The following LZTFL1 variants were observed in gnomAD, a reference collection of about 807,000 sequenced individuals.
The protein encoded by LZTFL1 is leucine zipper transcription factor-like protein 1.
Under a neutral mutation model 45.9 loss-of-function variants are expected in LZTFL1, and 25 were observed. The ratio of observed to expected loss-of-function variants is 0.54; its 90% CI spans 0.40 to 0.76. The LOEUF is 0.76. Ranked by LOEUF, LZTFL1 falls within the 30% of genes least tolerant of loss-of-function variation. The pLI, the probability that LZTFL1 is intolerant of heterozygous loss-of-function variation, is 0.00. For synonymous variants in LZTFL1, 93 were observed against 117.4 expected, an observed-to-expected ratio of 0.79 and a Z score of 1.35; for missense variants, 277 against 331.1, an observed-to-expected ratio of 0.84 and a Z score of 1.27.
intron 4 of LZTFL1, among the ~76,000 whole-genome samples, chr3:45,852,753 C>T (rs1016285162): frequency 2.0e-5 from 3 of 152,172 alleles, no homozygotes; most frequent in Non-Finnish European, 2.9e-5. Flanking sequence ...ACAGGCATTA[C>T]TTTTACAGTT....
intron 2 of LZTFL1, among the ~76,000 whole-genome samples, chr3:45,866,337 A>G (rs1701577528): frequency 6.6e-6 from 1 of 152,242 alleles, no homozygotes; most frequent in Non-Finnish European, 1.5e-5. Flanking sequence ...TGCTTAATAT[A>G]GAACATTTTG....
chr3:45,904,185 G>T (rs1702634535), intron 2 of LZTFL1, among the ~76,000 whole-genome samples: 1 of 152,170 alleles, frequency 6.6e-6, no homozygotes, highest in Non-Finnish European at 1.5e-5. Flanking sequence ...CTTGTGTGGG[G>T]TAGGAACAAT....
rs199573914 is a variant in LZTFL1, at chr3:45,901,757, A to G, written c.-215+11363T>C. The G allele has an allele frequency of 6.2e-7, 1 of 1,614,060 alleles. No individual in the cohort carries two copies. The highest frequency in any genetic ancestry group is 8.5e-7 in the Non-Finnish European group (1 of 1,180,010). The stretch of plus-strand genomic sequence containing the variant: ...TTCTCTATGTTTTTGTGGGTGAGAG[A>G]TTCCGCCGGGATCTCGTGAAAACCC... On this transcript the variant is annotated intron_variant, in intron 2 of 4. Coordinates refer to the LZTFL1 transcript ENST00000472635. This position sits in a 1 kb window ranked among gnomAD's most constrained non-coding sequence, Gnocchi z 4.3.
chr3:45,896,706 C>A lies in LZTFL1; in HGVS notation c.-215+16414G>T, dbSNP rs118007094. On this transcript the variant is annotated intron_variant, in intron 2 of 4. Coordinates refer to the LZTFL1 transcript ENST00000472635. Reference sequence around the variant, plus strand: ...TCAATGTTGGGATTTAATACTTTCTCAAGTGTGGGGCCAAGGTGTCTGCCA... The same window carrying A: ...TCAATGTTGGGATTTAATACTTTCTAAAGTGTGGGGCCAAGGTGTCTGCCA... Among the ~76,000 whole-genome samples the A allele has an allele frequency of 8.5e-5, 13 of 152,352 alleles. No individual in the cohort carries two copies. The East Asian group carries it at 2.5e-3, about 29-fold the overall frequency.
intron 2 of LZTFL1, among the ~76,000 whole-genome samples, chr3:45,872,438 A>G (rs1184631773): frequency 1.3e-5 from 2 of 152,194 alleles, no homozygotes; most frequent in African/African-American, 4.8e-5. Flanking sequence ...GAATGTGGCT[A>G]GTAAGCTGAA....
At chr3:45,855,781 G>A (rs749063173) in intron 3 of LZTFL1, among the ~76,000 whole-genome samples, 1 of 152,136 alleles carries the variant, frequency 6.6e-6, no homozygotes, top group African/African-American at 2.4e-5. Flanking sequence ...GCCAAATCAT[G>A]AATGAATTCC....
At chr3:45,894,970 C>T (rs1702307402) in intron 2 of LZTFL1, 1 of 1,612,784 alleles carries the variant, frequency 6.2e-7, no homozygotes, top group Non-Finnish European at 8.5e-7. Flanking sequence ...TACAGCCGTG[C>T]TCCTCTGGCT....
chr3:45,829,533 G>C (rs895299864), intron 7 of LZTFL1, among the ~76,000 whole-genome samples: 2 of 150,296 alleles, frequency 1.3e-5, no homozygotes, highest in Non-Finnish European at 3.0e-5. Flanking sequence ...GAGCCGGTGA[G>C]GTCAAGGTTG....
chr3:45,864,595 C>T (rs1701549521), intron 2 of LZTFL1, among the ~76,000 whole-genome samples: 1 of 152,058 alleles, frequency 6.6e-6, no homozygotes, highest in Admixed American at 6.6e-5. Flanking sequence ...ACAATATAGT[C>T]CTAATTTTAT....
intron 1 of LZTFL1, among the ~76,000 whole-genome samples, chr3:45,839,437 T>TGC (rs1188889652): frequency 1.3e-5 from 2 of 152,316 alleles, no homozygotes; most frequent in South Asian, 2.1e-4. Flanking sequence ...TTACACTCTT[T>TGC]GCTCTCCCAA....
intron 4 of LZTFL1, among the ~76,000 whole-genome samples, chr3:45,853,989 C>T (rs1701347191): frequency 6.6e-6 from 1 of 152,176 alleles, no homozygotes; most frequent in African/African-American, 2.4e-5. Context: ...CAAAAGCCAT[C>T]AAATGAGCTG....
intron 4 of LZTFL1, among the ~76,000 whole-genome samples, chr3:45,849,561 C>T (rs1701275413): frequency 6.6e-6 from 1 of 152,044 alleles, no homozygotes; most frequent in Non-Finnish European, 1.5e-5. Flanking sequence ...GCTAAGACAC[C>T]AATCTAAGGG....
At chr3:45,854,168 T>C (rs1238516005) in intron 4 of LZTFL1, among the ~76,000 whole-genome samples, 1 of 152,218 alleles carries the variant, frequency 6.6e-6, no homozygotes, top group Admixed American at 6.5e-5. Flanking sequence ...TGGTATCCCT[T>C]GAAAATTCTC....
intron 3 of LZTFL1, among the ~76,000 whole-genome samples, chr3:45,857,666 C>A (rs57667195): frequency 0.068 from 10,350 of 152,124 alleles, 501 homozygotes; most frequent in East Asian, 0.26. Flanking sequence ...TTTTTTAAAA[C>A]CCGCTAGAGA....
chr3:45,902,819 A>G (rs948721001), intron 2 of LZTFL1: 1 of 167,084 alleles, frequency 6.0e-6, no homozygotes, highest in Admixed American at 6.5e-5. Flanking sequence ...GGCCCACTTT[A>G]TTCTGAGGAA....
chr3:45,872,986 GA>G (rs1001812756), intron 2 of LZTFL1, among the ~76,000 whole-genome samples: 1 of 152,196 alleles, frequency 6.6e-6, no homozygotes, highest in Non-Finnish European at 1.5e-5. Flanking sequence ...GTATTAGTGA[GA>G]AAAAGAGCAT....
At chr3:45,874,101 C>T (rs994110844) in intron 2 of LZTFL1, among the ~76,000 whole-genome samples, 2 of 152,282 alleles carry the variant, frequency 1.3e-5, no homozygotes, top group South Asian at 4.1e-4. Flanking sequence ...TCACCATCTC[C>T]ACTTCCTTTC....
At chr3:45,836,480 ACTCTT>A (rs1700969371) in intron 2 of LZTFL1, among the ~76,000 whole-genome samples, 1 of 151,396 alleles carries the variant, frequency 6.6e-6, no homozygotes, top group African/African-American at 2.4e-5. Flanking sequence ...CACAGCAAAA[ACTCTT>A]CTCTATTAAA....
At chr3:45,848,969 G>A (rs1350294884) in intron 4 of LZTFL1, among the ~76,000 whole-genome samples, 1 of 152,138 alleles carries the variant, frequency 6.6e-6, no homozygotes, top group African/African-American at 2.4e-5. Context: ...GACCTACACA[G>A]TTCAAACCAA....
Sources: allele counts gnomAD v4.1 joint callset (sites outside exome capture counted in the v4.1 genomes callset), GRCh38; gene constraint gnomAD v4.1.1; non-coding constraint Gnocchi (gnomAD v3.1); transcripts MANE v1.5; gene names NCBI Gene and HGNC (gene_info 2026-07-23, HGNC 2026-07-21).